Variants in ELP3 observed in about 807,000 individuals in gnomAD.
ELP3 encodes the protein elongator acetyltransferase complex subunit 3.
A neutral mutation model predicts 74.9 loss-of-function variants in ELP3; 56 were observed. That is an observed-to-expected ratio of 0.75 (90% CI 0.60 to 0.93). The LOEUF (loss-of-function observed/expected upper bound fraction) is 0.93, where lower values mean the gene tolerates loss of function less well. Among genes scored for constraint, ELP3 ranks in the 40% least tolerant of loss-of-function variants. The pLI, the probability that ELP3 is intolerant of heterozygous loss-of-function variation, is 0.00. For missense variants in ELP3, 573 were observed against 686.5 expected (o/e 0.83, Z 1.85); for synonymous variants, 222 against 239.8 (o/e 0.93, Z 0.68).
chr8:28,157,319 C>G (rs1399573129), intron 11 of ELP3, among the ~76,000 whole-genome samples: 1 of 149,306 alleles, frequency 6.7e-6, no homozygotes, highest in Non-Finnish European at 1.5e-5. Flanking sequence ...AAACAGCATG[C>G]AGATGTTCAT....
chr8:28,104,713 G>A (rs1022219840), intron 3 of ELP3, among the ~76,000 whole-genome samples: 9 of 152,124 alleles, frequency 5.9e-5, no homozygotes, highest in African/African-American at 2.2e-4. Context: ...CGTTCTTCTC[G>A]TCATCTCCCA....
upstream of ELP3, among the ~76,000 whole-genome samples, chr8:28,091,197 C>T (rs545508275): frequency 1.9e-4 from 29 of 152,230 alleles, no homozygotes; most frequent in Middle Eastern, 6.8e-3. Context: ...TGAGCCACCG[C>T]GCCCGGCCGT....
chr8:28,113,683 TTTG>T (rs1812010046), intron 7 of ELP3: 1 of 152,242 alleles, frequency 6.6e-6, no homozygotes, highest in Non-Finnish European at 1.5e-5. Context: ...GGCTCACAGC[TTTG>T]GAGGTTGGGA....
chr8:28,153,657 C>G (rs1288200313), intron 10 of ELP3, among the ~76,000 whole-genome samples: 1 of 152,174 alleles, frequency 6.6e-6, no homozygotes. Flanking sequence ...GCAGCCCCTT[C>G]TGTGGGCTGG....
Position 28,106,368 on chromosome 8 carries a change from G to A in ELP3, c.259-345G>A, listed in dbSNP as rs571779865. ...ATCCCGGCTAAAACGGTGAAACCCC[G>A]TCTCTACTAAAAATACAAAAAATTA... On this transcript the variant is annotated intron_variant, in intron 3 of 14. Coordinates refer to ENST00000256398, the MANE Select transcript of ELP3 (RefSeq NM_018091.6). 3.2e-3 allele frequency among the ~76,000 whole-genome samples: 487 copies of A among 151,574 alleles called. 3 individuals are homozygous for A. Among genetic ancestry groups the A allele is most frequent in the African/African-American group, 0.011 (450 of 41,318 alleles).
At chr8:28,132,927 A>C (rs906794250) in intron 9 of ELP3, among the ~76,000 whole-genome samples, 1 of 152,112 alleles carries the variant, frequency 6.6e-6, no homozygotes, top group African/African-American at 2.4e-5. Flanking sequence ...ATTTAGGTTT[A>C]TCTGTTTATG....
chr8:28,133,952 G>GATT (rs369737577), intron 9 of ELP3, among the ~76,000 whole-genome samples: 2,459 of 151,550 alleles, frequency 0.016, 55 homozygotes, highest in African/African-American at 0.052. Context: ...TTATTATCAT[G>GATT]ATTATTATTA....
At chr8:28,122,368 A>G (rs1357013674) in intron 7 of ELP3, among the ~76,000 whole-genome samples, 2 of 152,234 alleles carry the variant, frequency 1.3e-5, no homozygotes, top group African/African-American at 2.4e-5. Context: ...TTCATGTAAC[A>G]TGAATATGAT....
intron 1 of ELP3, 144 bp from the exon 2 acceptor site, chr8:28,097,075 C>T: frequency 1.8e-6 from 1 of 565,446 alleles, no homozygotes; most frequent in East Asian, 2.9e-5. Context: ...AAATTGTAAA[C>T]AGTAGAGATT....
chr8:28,097,383 T>A, intron 2 of ELP3, 65 bp downstream of exon 2: 2 of 1,034,830 alleles, frequency 1.9e-6, no homozygotes, highest in South Asian at 1.4e-5. Flanking sequence ...TGAAATTATC[T>A]AGTACTACTT....
intron 2 of ELP3, among the ~76,000 whole-genome samples, 176 bp from the exon 3 acceptor site, chr8:28,099,652 C>G (rs1224089012): frequency 6.6e-6 from 1 of 152,192 alleles, no homozygotes; most frequent in Non-Finnish European, 1.5e-5. Flanking sequence ...TAGTCATTCA[C>G]TCGTGAATTT....
Position 28,166,581 on chromosome 8 carries a change from C to G in ELP3, c.1567+4503C>G, listed in dbSNP as rs76919586. Among the ~76,000 whole-genome samples, 1,027 of 152,338 alleles carry G rather than the reference C, an allele frequency of 6.7e-3. 8 individuals carry two copies. Among genetic ancestry groups the G allele is most frequent in the African/African-American group, 0.023 (954 of 41,580 alleles). ...TTTATCTACTTGGGTGATCAGCATTCTTTCCTTTAAAAATGTTAACATGAG... is the reference window on the plus strand; with the variant it reads ...TTTATCTACTTGGGTGATCAGCATTGTTTCCTTTAAAAATGTTAACATGAG... On this transcript the variant is annotated intron_variant, in intron 14 of 14. Transcript: ENST00000256398.
chr8:28,139,207 G>C (rs1209156905), intron 10 of ELP3, among the ~76,000 whole-genome samples: 1 of 152,198 alleles, frequency 6.6e-6, no homozygotes, highest in Non-Finnish European at 1.5e-5. Context: ...TGGGTTGGGG[G>C]TATATGCAGA....
upstream of ELP3, among the ~76,000 whole-genome samples, chr8:28,090,749 A>T (rs912502715): frequency 6.6e-6 from 1 of 152,038 alleles, no homozygotes; most frequent in Non-Finnish European, 1.5e-5. Flanking sequence ...GTTTTCTCTG[A>T]CTGGCAATTG....
Position 28,160,366 on chromosome 8 carries a change from G to T in ELP3, c.1395G>T (p.Leu465Phe), listed in dbSNP as rs772278802. ...KCSEETFRFE[L>F]GGGVSIVREL... ...CAGAAGAAACTTTCCGTTTCGAATTGGGTGGAGGTGTCTCCATAGTACGAG... is the reference window on the plus strand; with the variant it reads ...CAGAAGAAACTTTCCGTTTCGAATTTGGTGGAGGTGTCTCCATAGTACGAG... Residue 465 changes from leucine (L) to phenylalanine (F), a missense_variant, in exon 13 of 15, where the codon TTG becomes TTT. Physicochemically the swap from Leu to Phe is conservative, Grantham distance 22. Transcript: ENST00000256398. 6.2e-7 allele frequency: 1 copy of T among 1,614,176 alleles called. No individual in the cohort carries two copies. The highest frequency in any genetic ancestry group is 8.5e-7 in the Non-Finnish European group (1 of 1,180,024).
intron 9 of ELP3, 91 bp from the exon 10 acceptor site, chr8:28,137,607 T>G: frequency 3.1e-6 from 4 of 1,273,404 alleles, no homozygotes; most frequent in Non-Finnish European, 4.5e-6. Flanking sequence ...GCCTACTGGG[T>G]GTGCCAGAGA....
chr8:28,130,725 TC>T, intron 8 of ELP3, among the ~76,000 whole-genome samples: 1 of 152,156 alleles, frequency 6.6e-6, no homozygotes, highest in Non-Finnish European at 1.5e-5. Context: ...AGTTGGGACT[TC>T]ATGGAAGAGT....
At chr8:28,121,935 T>C (rs1194095501) in intron 7 of ELP3, among the ~76,000 whole-genome samples, 6 of 152,218 alleles carry the variant, frequency 3.9e-5, no homozygotes, top group Non-Finnish European at 7.3e-5. Flanking sequence ...GGGAAAACAT[T>C]TTTATTTCAG....
At chr8:28,138,235 G>A (rs1012372185) in intron 10 of ELP3, among the ~76,000 whole-genome samples, 2 of 152,162 alleles carry the variant, frequency 1.3e-5, no homozygotes, top group Admixed American at 6.5e-5. Context: ...AGCATAAGAA[G>A]TGTGGCCGTG....
Sources: allele counts gnomAD v4.1 joint callset (sites outside exome capture counted in the v4.1 genomes callset), GRCh38; gene constraint gnomAD v4.1.1; transcripts MANE v1.5; gene names NCBI Gene and HGNC (gene_info 2026-07-23, HGNC 2026-07-21).